BCR: variants seen among roughly 807,000 people sequenced by gnomAD.
BCR encodes the protein BCR activator of RhoGEF and GTPase, also known as breakpoint cluster region protein.
A neutral mutation model predicts 138.6 loss-of-function variants in BCR; 58 were observed. The ratio of observed to expected loss-of-function variants is 0.42; its 90% CI spans 0.34 to 0.52. BCR has a LOEUF of 0.52. Ranked by LOEUF, BCR falls within the 20% of genes least tolerant of loss-of-function variation. The pLI is 0.06. For synonymous variants in BCR, 786 were observed against 730.1 expected, an observed-to-expected ratio of 1.08 and a Z score of -1.23; for missense variants, 1,599 against 1,727.2, an observed-to-expected ratio of 0.93 and a Z score of 1.32.
At chr22:23,266,281 G>A (rs1355556569) in intron 4 of BCR, among the ~76,000 whole-genome samples, 1 of 151,948 alleles carries the variant, frequency 6.6e-6, no homozygotes, top group Non-Finnish European at 1.5e-5. Flanking sequence ...TAGAGACAAG[G>A]TTTCACCATG....
At position 23,181,263 on chromosome 22, in the gene BCR, C is replaced by T; in HGVS notation, c.303C>T (p.Pro101=). Residue 101 remains proline (P), a synonymous_variant, in exon 1 of 23, where the codon CCC becomes CCT. Coordinates refer to ENST00000305877, the MANE Select transcript of BCR (RefSeq NM_004327.4). The part of the protein sequence containing the change: ...RASASRPQPA[P]ADGADPPPAE... ...CCGCGTCGCGCCCGCAGCCAGCGCC[C>T]GCCGACGGAGCCGACCCGCCGCCCG... The T allele has an allele frequency of 8.0e-7, 1 of 1,255,150 alleles. No individual in the cohort carries two copies. The highest frequency in any genetic ancestry group is 1.0e-6 in the Non-Finnish European group (1 of 993,520). 77.8% of individuals were successfully genotyped at this position (1,255,150 alleles called of 1,614,324 possible).
intron 16 of BCR, chr22:23,307,520 G>C (rs1276331955): frequency 6.6e-6 from 1 of 151,242 alleles, no homozygotes; most frequent in Non-Finnish European, 1.5e-5. Flanking sequence ...TGCCACTTGA[G>C]AGTTTCCTTT....
At chr22:23,278,651 T>A (rs1220985925) in intron 8 of BCR, among the ~76,000 whole-genome samples, 2 of 151,764 alleles carry the variant, frequency 1.3e-5, no homozygotes, top group African/African-American at 4.8e-5. Flanking sequence ...TGCTTGAACC[T>A]GGGAGGCGGA....
chr22:23,256,419 C>T (rs1429533409), intron 2 of BCR, among the ~76,000 whole-genome samples: 1 of 152,132 alleles, frequency 6.6e-6, no homozygotes, highest in Non-Finnish European at 1.5e-5. Flanking sequence ...TTCACACAGG[C>T]TGGCCTGTTG....
intron 4 of BCR, chr22:23,263,680 A>G (rs2073400069): frequency 2.1e-6 from 3 of 1,423,076 alleles, no homozygotes; most frequent in Non-Finnish European, 2.0e-6. Context: ...TGGCCTTGGT[A>G]AGATTCACAG....
At chr22:23,190,649 T>A (rs982973033) in intron 1 of BCR, among the ~76,000 whole-genome samples, 1 of 152,114 alleles carries the variant, frequency 6.6e-6, no homozygotes, top group Non-Finnish European at 1.5e-5. Flanking sequence ...TAACACTTGG[T>A]GAGTCCGTTA....
chr22:23,292,473 C>G (rs2073799110), intron 14 of BCR, 68 bp from the exon 15 acceptor site: 1 of 1,094,650 alleles, frequency 9.1e-7, no homozygotes, highest in Admixed American at 2.1e-5. Context: ...ATAACACCTG[C>G]TCTTACAGAC....
At chr22:23,270,769 A>C (rs1005409988) in intron 5 of BCR, among the ~76,000 whole-genome samples, 1 of 152,246 alleles carries the variant, frequency 6.6e-6, no homozygotes, top group Middle Eastern at 3.2e-3. Flanking sequence ...GCTCCTTCCC[A>C]GAGGATTTTA....
intron 16 of BCR, among the ~76,000 whole-genome samples, chr22:23,308,917 C>T (rs948218934): frequency 3.7e-4 from 56 of 152,244 alleles, no homozygotes; most frequent in African/African-American, 1.3e-3. Flanking sequence ...GGGCTTGTTT[C>T]TGGGTCCTTC....
At chr22:23,245,737 T>G (rs571060616) in intron 1 of BCR, among the ~76,000 whole-genome samples, 3 of 151,764 alleles carry the variant, frequency 2.0e-5, no homozygotes, top group African/African-American at 4.8e-5. Flanking sequence ...AAGGATACTC[T>G]CAGCCCTCGG....
chr22:23,286,799 G>A (rs895667285), intron 10 of BCR, among the ~76,000 whole-genome samples: 3 of 152,164 alleles, frequency 2.0e-5, no homozygotes, highest in African/African-American at 4.8e-5. Context: ...AGAGGGTGAG[G>A]GACCCTGTAG....
Position 23,295,124 on chromosome 22 carries a change from C to T in BCR, c.2981C>T (p.Thr994Met), listed in dbSNP as rs550045049. 3.0e-5 allele frequency: 49 copies of T among 1,613,954 alleles called. No homozygotes were observed. Among genetic ancestry groups the T allele is most frequent in the Non-Finnish European group, 3.7e-5 (44 of 1,180,002 alleles). ...TKIPKEDGES[T>M]DRLMGKGQVQ... ...ATCCCCAAGGAGGACGGCGAGAGCA[C>T]GGACAGACTCATGGGGAAGGGCCAG... Residue 994 changes from threonine to methionine, a missense_variant, in exon 16 of 23, where the codon ACG becomes ATG. Thr to Met is a moderately conservative substitution (Grantham distance 81). Coordinates refer to ENST00000305877, the MANE Select transcript of BCR (RefSeq NM_004327.4).
intron 1 of BCR, among the ~76,000 whole-genome samples, chr22:23,187,644 T>G (rs6003546): frequency 1.3e-5 from 2 of 152,182 alleles, no homozygotes; most frequent in African/African-American, 4.8e-5. Context: ...TCCTCCTTTT[T>G]CTTTTTTTCC....
intron 16 of BCR, among the ~76,000 whole-genome samples, chr22:23,301,692 C>A (rs1457728044): frequency 6.6e-6 from 1 of 152,244 alleles, no homozygotes; most frequent in Non-Finnish European, 1.5e-5. Flanking sequence ...TTTGCCACAT[C>A]CTTCCTTTCC....
chr22:23,242,932 C>T (rs773963694), intron 1 of BCR: 4 of 455,432 alleles, frequency 8.8e-6, no homozygotes, highest in Middle Eastern at 3.3e-4. Context: ...CGGCATTCCT[C>T]GACCTGGTGA....
Position 23,261,372 on chromosome 22 carries a change from A to G in BCR, c.1584A>G (p.Lys528=), listed in dbSNP as rs139936800. The G allele has an allele frequency of 1.6e-5, 26 of 1,612,634 alleles. No individual in the cohort carries two copies. The African/African-American group carries it at 2.9e-4, about 18-fold the overall frequency. The change falls in exon 4 of 23, where the codon AAA becomes AAG. Residue 528 remains lysine (K), a synonymous_variant. Transcript: ENST00000305877. The part of the protein sequence containing the change: ...EALLLPMKPL[K]AAATTSQPVL... ...TCTTCCAGCCCATGAAGCCTTTGAA[A>G]GCCGCTGCCACCACCTCTCAGCCGG...
rs923618671 is a variant in BCR, at chr22:23,257,118, C to T, written c.1461+3138C>T. ...CCCAGGCCAGGCCCTGCCCTTTGCT[C>T]TCTCGTTTTCTCTGCATGGACTTGG... is the stretch of plus-strand genomic sequence containing the variant. On this transcript the variant is annotated intron_variant, in intron 2 of 22. Transcript: ENST00000305877. Among the ~76,000 whole-genome samples, 11 of 152,276 alleles carry T rather than the reference C, an allele frequency of 7.2e-5. No homozygotes were observed. In the East Asian group the frequency reaches 1.9e-3, roughly 27 times the overall value.
intron 1 of BCR, among the ~76,000 whole-genome samples, chr22:23,213,961 T>C (rs568747304): frequency 6.6e-6 from 1 of 152,214 alleles, no homozygotes; most frequent in Non-Finnish European, 1.5e-5. Flanking sequence ...TGCCTGATAA[T>C]GGGTAAAATA....
At chr22:23,278,749 G>A (rs1389240978) in intron 8 of BCR, among the ~76,000 whole-genome samples, 1 of 152,138 alleles carries the variant, frequency 6.6e-6, no homozygotes, top group Admixed American at 6.5e-5. Context: ...AAAAGAGTTG[G>A]AAAACAGTTG....
Sources: gnomAD v4.1 joint callset for allele counts (sites outside exome capture counted in the v4.1 genomes callset) on GRCh38, gnomAD v4.1.1 for gene constraint, MANE v1.5 for transcripts, NCBI Gene and HGNC (gene_info 2026-07-23, HGNC 2026-07-21) for gene names.